SLC43A2: variants seen among roughly 807,000 people sequenced by gnomAD.
SLC43A2 encodes solute carrier family 43 member 2.
In SLC43A2, 38 loss-of-function variants were observed where a neutral mutation model predicts 63.2. The observed-to-expected ratio is 0.60, with a 90% CI of 0.46 to 0.79. The LOEUF (loss-of-function observed/expected upper bound fraction) is 0.79, where lower values mean the gene tolerates loss of function less well. Ranked by LOEUF, SLC43A2 falls within the 30% of genes least tolerant of loss-of-function variation. The pLI is 0.00. For missense variants in SLC43A2, 644 were observed against 756.2 expected, an observed-to-expected ratio of 0.85 and a Z score of 1.74; for synonymous variants, 322 against 331.0, an observed-to-expected ratio of 0.97 and a Z score of 0.30.
At chr17:1,584,741 A>AC (rs2076075133) in intron 10 of SLC43A2, among the ~76,000 whole-genome samples, 1 of 150,450 alleles carries the variant, frequency 6.6e-6, no homozygotes, top group African/African-American at 2.4e-5. Context: ...AATGGTGTGA[A>AC]CCCGGGAGGC....
In SLC43A2 at chr17:1,586,025, C is replaced by T. The variant is rs747166100; in HGVS notation, c.1105G>A (p.Val369Met). ...GTCAGCAGGCACAGCAGCTGGAGCACGCCGAAGATGGAGGTGTAGAGGCCA... is the reference window on the plus strand; with the variant it reads ...GTCAGCAGGCACAGCAGCTGGAGCATGCCGAAGATGGAGGTGTAGAGGCCA... Reference protein sequence around the residue: ...TVGLYTSIFGVLQLLCLLTAP... With the variant: ...TVGLYTSIFGMLQLLCLLTAP... Residue 369 changes from valine to methionine, a missense_variant, in exon 10 of 14, where the codon GTG (valine) becomes ATG (methionine). Val to Met is a conservative substitution (Grantham distance 21). Around this residue, in one of 3 missense-constraint regions of SLC43A2, gnomAD observed 528 missense variants for 623.6 expected, o/e 0.85. Transcript: ENST00000301335. The T allele has an allele frequency of 1.9e-5, 30 of 1,606,554 alleles. No individual in the cohort carries two copies. The highest frequency in any genetic ancestry group is 2.2e-5 in the Non-Finnish European group (26 of 1,176,978).
At chr17:1,587,106 A>ACTGCG (rs2076115689) in intron 9 of SLC43A2, 24 of 24,190 alleles carry the variant, frequency 9.9e-4, no homozygotes, top group Admixed American at 6.4e-3. Flanking sequence ...CCCGCACTGC[A>ACTGCG]TTTCCCACTA....
At chr17:1,616,497 T>G in intron 3 of SLC43A2, 65 bp downstream of exon 3, 1 of 1,473,032 alleles carries the variant, frequency 6.8e-7, no homozygotes, top group East Asian at 2.5e-5. Flanking sequence ...GATACCCTTC[T>G]GTGGGGAACT....
intron 1 of SLC43A2, 91 bp from the exon 2 acceptor site, chr17:1,628,011 T>G: frequency 1.7e-6 from 2 of 1,178,240 alleles, no homozygotes; most frequent in Non-Finnish European, 2.1e-6. Context: ...GGGCTCGGGA[T>G]TGCCACCCCT....
rs908929316 is a variant in SLC43A2 at position 1,593,408 on chromosome 17, G to C, written c.502-129C>G. On this transcript the variant is annotated intron_variant, in intron 5 of 13. Transcript: ENST00000301335. This position sits in a 1 kb window ranked among gnomAD's most constrained non-coding sequence, Gnocchi z 5.3. ...CGCCCCTTCCTGTGTGACTCACAGG[G>C]GCATTAGTTCAGGGGCAATGACCGC... 7 of 797,452 alleles carry C rather than the reference G, an allele frequency of 8.8e-6. No homozygotes were observed. The highest frequency in any genetic ancestry group is 6.8e-5 in the African/African-American group (4 of 58,640). The allele number at this position is 797,452 out of a possible 1,614,324, so 49.4% of individuals were successfully genotyped here. A position where few individuals can be genotyped will look rare whatever the true frequency, so the allele number is the denominator to read the frequency against.
At chr17:1,604,976 G>T (rs1285653811) in intron 5 of SLC43A2, 9 of 1,461,656 alleles carry the variant, frequency 6.2e-6, no homozygotes, top group Non-Finnish European at 8.1e-6. Context: ...GCGCCCTAGC[G>T]CGGGCCTCGA....
intron 10 of SLC43A2, among the ~76,000 whole-genome samples, chr17:1,584,051 T>G (rs568970512): frequency 6.6e-6 from 1 of 151,846 alleles, no homozygotes; most frequent in Non-Finnish European, 1.5e-5. Flanking sequence ...ACGCGCCACC[T>G]TACCCGGCTA....
chr17:1,603,861 G>A (rs1906319910), intron 5 of SLC43A2, among the ~76,000 whole-genome samples: 1 of 152,138 alleles, frequency 6.6e-6, no homozygotes, highest in Non-Finnish European at 1.5e-5. Flanking sequence ...AGCTAGTAAT[G>A]GTCAGATTGG....
chr17:1,627,740 A>AG lies in SLC43A2; in HGVS notation c.134_135insC (p.Tyr46LeufsTer94). The AG allele has an allele frequency of 1.3e-6, 2 of 1,587,564 alleles. No individual in the cohort carries two copies. The highest frequency in any genetic ancestry group is 1.7e-6 in the Non-Finnish European group (2 of 1,167,172). ...CTGGCTCGGTACACAGGTAGGAGTA[A>AG]AAGCCCTCTGACTTGAGCATGATGA... On this transcript the variant is annotated frameshift_variant, in exon 2 of 14. Coordinates refer to ENST00000301335, the MANE Select transcript of SLC43A2 (RefSeq NM_152346.3). LOFTEE classifies it high-confidence loss of function.
chr17:1,579,316 C>A (rs2075978668), intron 11 of SLC43A2, among the ~76,000 whole-genome samples: 2 of 151,044 alleles, frequency 1.3e-5, no homozygotes, highest in African/African-American at 4.9e-5. Flanking sequence ...CAAAAATTAG[C>A]CGGGTGTGGT....
chr17:1,585,824 C>A, intron 10 of SLC43A2, 89 bp downstream of exon 10: 1 of 1,605,838 alleles, frequency 6.2e-7, no homozygotes, highest in South Asian at 1.1e-5. Context: ...CTCCCTCTGT[C>A]CCACCCACCC....
chr17:1,607,960 C>T (rs1039428877), intron 5 of SLC43A2, among the ~76,000 whole-genome samples: 2 of 152,134 alleles, frequency 1.3e-5, no homozygotes, highest in African/African-American at 4.8e-5. Context: ...AGGTGATCCA[C>T]CCGCCTCAGC....
intron 9 of SLC43A2, among the ~76,000 whole-genome samples, chr17:1,587,579 T>C (rs1238210113): frequency 2.6e-5 from 4 of 152,068 alleles, no homozygotes; most frequent in African/African-American, 7.2e-5. Context: ...CTGCTCCGAG[T>C]GGAATGTCCT....
At position 1,583,378 on chromosome 17, in the gene SLC43A2, G is replaced by T. The variant is rs945332580; in HGVS notation, c.1218-42C>A. ...CGTGCAGGGGTGGGAGGGCTCCCCG[G>T]AGGAAGCCGGGTGCTCCTGAGAAGT... On this transcript the variant is annotated intron_variant, in intron 10 of 13. Coordinates refer to ENST00000301335, the MANE Select transcript of SLC43A2 (RefSeq NM_152346.3). The surrounding 1 kb of genome is among the most constrained non-coding windows in gnomAD (Gnocchi z 5.5). The T allele has an allele frequency of 6.2e-7, 1 of 1,605,156 alleles. No individual in the cohort carries two copies. The highest frequency in any genetic ancestry group is 8.5e-7 in the Non-Finnish European group (1 of 1,173,160).
intron 5 of SLC43A2, among the ~76,000 whole-genome samples, chr17:1,597,403 G>T (rs980288701): frequency 6.6e-6 from 1 of 151,710 alleles, no homozygotes; most frequent in Non-Finnish European, 1.5e-5. Flanking sequence ...TACTTGGGAG[G>T]CTGAGGCAGG....
intron 5 of SLC43A2, among the ~76,000 whole-genome samples, chr17:1,595,606 C>T (rs999934467): frequency 1.4e-4 from 21 of 152,056 alleles, no homozygotes; most frequent in Non-Finnish European, 2.2e-4. Context: ...CCACCATGCC[C>T]GGCTAATTTT....
chr17:1,583,247 A>G lies in SLC43A2; in HGVS notation c.1307T>C (p.Val436Ala). ...AATGAGGCAGGTCACCCCAAAGCCC[A>G]CGAGCAGCAGGTTGGTGAAGGCGAA... ...RAFAFTNLLLVGFGVTCLIPN... is the reference protein window; with the variant it reads ...RAFAFTNLLLAGFGVTCLIPN... Residue 436 changes from valine (V) to alanine (A), a missense_variant, in exon 11 of 14, where the codon GTG becomes GCG. Around this residue, in one of 3 missense-constraint regions of SLC43A2, gnomAD observed 528 missense variants for 623.6 expected, o/e 0.85. Transcript: ENST00000301335. The surrounding 1 kb of genome is among the most constrained non-coding windows in gnomAD (Gnocchi z 5.5). 1.2e-6 allele frequency: 2 copies of G among 1,614,156 alleles called. No homozygotes were observed. Among genetic ancestry groups the G allele is most frequent in the Non-Finnish European group, 1.7e-6 (2 of 1,180,032 alleles).
In SLC43A2 at chr17:1,571,367, G is replaced by C. The variant is rs531268631; in HGVS notation, c.*4237C>G. Reference sequence around the variant, plus strand: ...CCAGTCGTTGGCACAGATAAGGGGAGCTGCTGCTGAAGGAGCCCGACGGCT... The same window carrying C: ...CCAGTCGTTGGCACAGATAAGGGGACCTGCTGCTGAAGGAGCCCGACGGCT... On this transcript the variant is annotated 3_prime_UTR_variant, in exon 14 of 14. Transcript: ENST00000301335. The surrounding 1 kb of genome is among the most constrained non-coding windows in gnomAD (Gnocchi z 5.2). 1.3e-5 allele frequency: 2 copies of C among 152,466 alleles called. No homozygotes were observed. Among genetic ancestry groups the C allele is most frequent in the East Asian group, 3.9e-4 (2 of 5,184 alleles). 9.4% of individuals were successfully genotyped at this position (152,466 alleles called of 1,614,324 possible). A position where few individuals can be genotyped will look rare whatever the true frequency, so the allele number is the denominator to read the frequency against.
At chr17:1,604,908 T>C in intron 5 of SLC43A2, 2 of 1,533,330 alleles carry the variant, frequency 1.3e-6, no homozygotes, top group South Asian at 2.4e-5. Flanking sequence ...CGGTCTCAGC[T>C]GCGCATAATG....
Sources: gnomAD v4.1 joint callset for allele counts (sites outside exome capture counted in the v4.1 genomes callset) on GRCh38, gnomAD v4.1.1 for gene constraint, gnomAD v4.1.1 regional missense constraint, Gnocchi (gnomAD v3.1) non-coding constraint, MANE v1.5 for transcripts, NCBI Gene and HGNC (gene_info 2026-07-23, HGNC 2026-07-21) for gene names.